The following DOCK8 variants were observed in gnomAD, a reference collection of about 807,000 sequenced individuals.
The protein encoded by DOCK8 is dedicator of cytokinesis protein 8.
A neutral mutation model predicts 245.6 loss-of-function variants in DOCK8; 141 were observed. The ratio of observed to expected loss-of-function variants is 0.57; its 90% confidence interval spans 0.50 to 0.66. The LOEUF is 0.66. Among genes scored for constraint, DOCK8 ranks in the 30% least tolerant of loss-of-function variants. The probability of loss-of-function intolerance (pLI) is 0.00; values close to 1 mark genes in which losing one functional copy is unlikely to be tolerated. For missense variants in DOCK8, 2,965 were observed against 2,603.4 expected, an observed-to-expected ratio of 1.14 and a Z score of -3.02; for synonymous variants, 1,168 against 970.2, an observed-to-expected ratio of 1.20 and a Z score of -3.79.
chr9:306,723 G>A (rs916835925), intron 5 of DOCK8, among the ~76,000 whole-genome samples: 32 of 152,180 alleles, frequency 2.1e-4, no homozygotes, highest in Admixed American at 1.8e-3. Flanking sequence ...TCTGGAGGGT[G>A]AACCTCATAC....
intron 16 of DOCK8, among the ~76,000 whole-genome samples, chr9:371,080 G>C (rs2053265083): frequency 6.6e-6 from 1 of 152,098 alleles, no homozygotes; most frequent in Admixed American, 6.5e-5. Flanking sequence ...TGGTTCCTTG[G>C]GTAGAAATGG....
intron 26 of DOCK8, among the ~76,000 whole-genome samples, chr9:400,004 CCTCCACCAT>C (rs1564011363): frequency 1.9e-4 from 19 of 99,016 alleles, no homozygotes; most frequent in Non-Finnish European, 3.3e-4. Flanking sequence ...ACCTCCACCA[CCTCCACCAT>C]CACCACCACC....
chr9:230,874 T>C (rs1178921684), intron 1 of DOCK8, among the ~76,000 whole-genome samples: 4 of 152,182 alleles, frequency 2.6e-5, no homozygotes, highest in Non-Finnish European at 4.4e-5. Flanking sequence ...TGATGGTAGT[T>C]TCTTTTGCTG....
chr9:401,491 G>C (rs1194165002), intron 26 of DOCK8, among the ~76,000 whole-genome samples: 1 of 152,154 alleles, frequency 6.6e-6, no homozygotes, highest in South Asian at 2.1e-4. Flanking sequence ...GGCTGTAGCA[G>C]CTTAGGGCCC....
At chr9:459,253 A>G (rs574908574) in intron 46 of DOCK8, among the ~76,000 whole-genome samples, 1 of 152,368 alleles carries the variant, frequency 6.6e-6, no homozygotes, top group Admixed American at 6.5e-5. Flanking sequence ...GAGGGATAGT[A>G]GAAATTATTT....
chr9:215,068 A>T, intron 1 of DOCK8, 39 bp downstream of exon 1: 3 of 1,545,158 alleles, frequency 1.9e-6, no homozygotes, highest in Non-Finnish European at 2.6e-6. Context: ...GCGGCCGGAC[A>T]GCCCAGCGCT....
chr9:378,298 A>G (rs570038603), intron 20 of DOCK8, among the ~76,000 whole-genome samples: 6 of 152,226 alleles, frequency 3.9e-5, no homozygotes, highest in Non-Finnish European at 8.8e-5. Flanking sequence ...AATAGGGGCA[A>G]TGAGATGAGT....
intron 7 of DOCK8, among the ~76,000 whole-genome samples, chr9:319,355 C>T (rs2050484689): frequency 6.6e-6 from 1 of 152,070 alleles, no homozygotes. Flanking sequence ...TAGTGATGTC[C>T]CCGCAACTGC....
At chr9:392,030 C>G (rs142104140) in intron 24 of DOCK8, among the ~76,000 whole-genome samples, 1 of 150,836 alleles carries the variant, frequency 6.6e-6, no homozygotes, top group Non-Finnish European at 1.5e-5. Flanking sequence ...CCCATCTACT[C>G]AGGAGGCTGA....
At chr9:313,973 G>A (rs1239526154) in intron 6 of DOCK8, among the ~76,000 whole-genome samples, 1 of 152,148 alleles carries the variant, frequency 6.6e-6, no homozygotes, top group Non-Finnish European at 1.5e-5. Context: ...AATAATGTGA[G>A]CAATATCATC....
In DOCK8 at chr9:420,959, G is replaced by A; in HGVS notation, c.4034G>A (p.Ser1345Asn). ...VLCFEYKGKQ[S>N]SDKVSTQVLQ... is the part of the protein sequence containing the mutation. The stretch of plus-strand genomic sequence containing the variant: ...CTCTGTCTTGTCCAGGGAAAACAGA[G>A]TTCTGACAAAGTCAGTACCCAAGTC... Residue 1345 changes from serine to asparagine, a missense_variant, in exon 32 of 48, where the codon AGT becomes AAT. Ser to Asn is a conservative substitution (Grantham distance 46). Around this residue, in one of 3 missense-constraint regions of DOCK8, gnomAD observed 2,825 missense variants for 2,453.5 expected, o/e 1.15. Coordinates refer to ENST00000432829, the MANE Select transcript of DOCK8 (RefSeq NM_203447.4). 6.2e-7 allele frequency: 1 copy of A among 1,614,204 alleles called. No homozygotes were observed. The highest frequency in any genetic ancestry group is 8.5e-7 in the Non-Finnish European group (1 of 1,180,042).
chr9:267,202 G>GTTTGTT (rs757865795), intron 1 of DOCK8, among the ~76,000 whole-genome samples: 1 of 152,134 alleles, frequency 6.6e-6, no homozygotes, highest in Admixed American at 6.5e-5. Flanking sequence ...TATGCAATTT[G>GTTTGTT]TTTGTTTTTG....
At chr9:228,495 A>C (rs755606032) in intron 1 of DOCK8, among the ~76,000 whole-genome samples, 15 of 152,084 alleles carry the variant, frequency 9.9e-5, no homozygotes, top group Non-Finnish European at 1.3e-4. Context: ...AAATTTGAAA[A>C]ATTACAGGAA....
chr9:310,127 C>T (rs1159076874), intron 5 of DOCK8, among the ~76,000 whole-genome samples: 4 of 151,978 alleles, frequency 2.6e-5, no homozygotes, highest in African/African-American at 4.8e-5. Flanking sequence ...ATTAGCCAGG[C>T]GTGGTGGCGC....
In DOCK8 at chr9:400,862, TCCACCATCA is replaced by T. The variant is rs2054976923; in HGVS notation, c.3234+1610_3234+1618del. The stretch of plus-strand genomic sequence containing the variant: ...CACCACCTCCACCATCACCACCTCC[TCCACCATCA>T]CCACCACCTCCACCACCACCACCTC... On this transcript the variant is annotated intron_variant, in intron 26 of 47. Transcript: ENST00000432829. Among the ~76,000 whole-genome samples the T allele has an allele frequency of 3.3e-5, 2 of 61,230 alleles. 1 individual carries two copies. The highest frequency in any genetic ancestry group is 5.7e-5 in the Non-Finnish European group (2 of 35,274). 40.2% of individuals were successfully genotyped at this position (61,230 alleles called of 152,430 possible).
chr9:276,835 G>A (rs188395580), intron 2 of DOCK8, among the ~76,000 whole-genome samples: 1 of 152,164 alleles, frequency 6.6e-6, no homozygotes, highest in African/African-American at 2.4e-5. Context: ...TAGAGACAGG[G>A]CCTTGCTCTG....
At chr9:463,752 T>G in intron 47 of DOCK8, 65 bp downstream of exon 47, 4 of 1,588,810 alleles carry the variant, frequency 2.5e-6, no homozygotes, top group Non-Finnish European at 2.6e-6. Flanking sequence ...GCCTAGCACC[T>G]TGGGGCATGC....
At chr9:382,410 C>A in intron 21 of DOCK8, 103 bp from the exon 22 acceptor site, 1 of 1,489,618 alleles carries the variant, frequency 6.7e-7, no homozygotes, top group Non-Finnish European at 9.3e-7. Flanking sequence ...AGGCCTAATC[C>A]GGTGGCTTTT....
chr9:429,603 G>C, intron 35 of DOCK8, 99 bp from the exon 36 acceptor site: 4 of 1,431,954 alleles, frequency 2.8e-6, no homozygotes, highest in Non-Finnish European at 2.9e-6. Context: ...ACTCTTCTAG[G>C]CTTTTTGCTT....
Sources: allele counts gnomAD v4.1 joint callset (sites outside exome capture counted in the v4.1 genomes callset), GRCh38; gene constraint gnomAD v4.1.1; regional missense constraint gnomAD v4.1.1; transcripts MANE v1.5; gene names NCBI Gene and HGNC (gene_info 2026-07-23, HGNC 2026-07-21).